Variants in KIAA0825 observed in about 807,000 individuals in gnomAD.
KIAA0825 encodes the protein uncharacterized protein KIAA0825.
KIAA0825 carries 119 observed loss-of-function variants against 147.6 expected under a neutral mutation model. The observed-to-expected ratio is 0.81, with a 90% CI of 0.69 to 0.94. KIAA0825 has a LOEUF of 0.94. Among genes scored for constraint, KIAA0825 ranks in the 40% least tolerant of loss-of-function variants. KIAA0825 has a pLI of 0.00. For missense variants in KIAA0825, 1,381 were observed against 1,472.7 expected (o/e 0.94, Z 1.02); for synonymous variants, 470 against 518.1 (o/e 0.91, Z 1.26).
At chr5:94,320,610 A>G (rs1363812981) in intron 20 of KIAA0825, among the ~76,000 whole-genome samples, 1 of 151,880 alleles carries the variant, frequency 6.6e-6, no homozygotes, top group East Asian at 1.9e-4. Context: ...TGCTCTCCAT[A>G]GAATGTAAAC....
chr5:94,208,347 A>G (rs2150038691), intron 20 of KIAA0825, among the ~76,000 whole-genome samples: 1 of 152,344 alleles, frequency 6.6e-6, no homozygotes, highest in East Asian at 1.9e-4. Context: ...GACTGACTTA[A>G]AAGCATAAAG....
intron 20 of KIAA0825, among the ~76,000 whole-genome samples, chr5:94,295,287 T>C (rs1045820154): frequency 1.3e-5 from 2 of 152,048 alleles, no homozygotes; most frequent in African/African-American, 4.8e-5. Flanking sequence ...TTTATGTTCT[T>C]CTCTAAACTG....
At chr5:94,298,731 A>C (rs1778252652) in intron 20 of KIAA0825, among the ~76,000 whole-genome samples, 1 of 152,200 alleles carries the variant, frequency 6.6e-6, no homozygotes, top group South Asian at 2.1e-4. Flanking sequence ...GCCAAAAATC[A>C]GATTCCTTCG....
At chr5:94,593,290 A>C (rs1784670186) in intron 1 of KIAA0825, 1 of 779,354 alleles carries the variant, frequency 1.3e-6, no homozygotes, top group South Asian at 1.3e-5. Flanking sequence ...ATTAATGGGA[A>C]AAATAGCTGA....
chr5:94,237,071 GTC>G (rs1491189431), intron 20 of KIAA0825, among the ~76,000 whole-genome samples: 1 of 145,170 alleles, frequency 6.9e-6, no homozygotes, highest in African/African-American at 2.6e-5. Flanking sequence ...GTGTGTGTGT[GTC>G]TGTGTCTGTG....
At chr5:94,443,663 C>A (rs1220653412) in intron 13 of KIAA0825, among the ~76,000 whole-genome samples, 1 of 152,124 alleles carries the variant, frequency 6.6e-6, no homozygotes, top group Admixed American at 6.6e-5. Context: ...TAGCTACATT[C>A]AGATATGTTT....
chr5:94,412,470 G>A (rs1452283653), intron 15 of KIAA0825, among the ~76,000 whole-genome samples: 2 of 151,946 alleles, frequency 1.3e-5, no homozygotes, highest in Non-Finnish European at 2.9e-5. Flanking sequence ...GTGTGATCTC[G>A]ACTCACTGCA....
At chr5:94,424,231 T>C (rs913113829) in intron 14 of KIAA0825, among the ~76,000 whole-genome samples, 2 of 152,068 alleles carry the variant, frequency 1.3e-5, no homozygotes, top group Non-Finnish European at 2.9e-5. Flanking sequence ...ATATTAAATA[T>C]ACACATTCTT....
intron 20 of KIAA0825, among the ~76,000 whole-genome samples, chr5:94,246,865 G>C (rs933865848): frequency 1.3e-5 from 2 of 152,140 alleles, no homozygotes; most frequent in African/African-American, 4.8e-5. Context: ...CACAGTGTCA[G>C]CCTGCCTCAT....
chr5:94,351,556 C>A (rs1783675802), intron 20 of KIAA0825, among the ~76,000 whole-genome samples: 1 of 152,072 alleles, frequency 6.6e-6, no homozygotes, highest in Admixed American at 6.6e-5. Flanking sequence ...ATCAAAATAC[C>A]ACCATCATTC....
chr5:94,354,410 G>C (rs182271204), intron 20 of KIAA0825, among the ~76,000 whole-genome samples: 1 of 152,062 alleles, frequency 6.6e-6, no homozygotes, highest in African/African-American at 2.4e-5. Flanking sequence ...TAATTTAATA[G>C]TATTTTGGCA....
Position 94,431,086 on chromosome 5 carries a change from G to A in KIAA0825, c.2497+8896C>T, listed in dbSNP as rs573656263. 9.2e-5 allele frequency among the ~76,000 whole-genome samples: 14 copies of A among 152,256 alleles called. No homozygotes were observed. In the East Asian group the frequency reaches 2.7e-3, roughly 29 times the overall value. On this transcript the variant is annotated intron_variant, in intron 14 of 20. Transcript: ENST00000682413. ...GCACAGGCAGAGACCATTGCATAGAGAGCACAGGAGTAATCAGAGGATAAA... is the reference window on the plus strand; with the variant it reads ...GCACAGGCAGAGACCATTGCATAGAAAGCACAGGAGTAATCAGAGGATAAA...
chr5:94,432,251 T>G (rs1274206652), intron 14 of KIAA0825, among the ~76,000 whole-genome samples: 1 of 152,184 alleles, frequency 6.6e-6, no homozygotes, highest in South Asian at 2.1e-4. Flanking sequence ...ACCTGGGAGT[T>G]TGTTAGAGAA....
chr5:94,614,885 C>T (rs184003388), intron 1 of KIAA0825, among the ~76,000 whole-genome samples: 107 of 152,100 alleles, frequency 7.0e-4, no homozygotes, highest in Non-Finnish European at 2.1e-4. Context: ...ATCTTTTATC[C>T]TTGCAAGACT....
intron 20 of KIAA0825, among the ~76,000 whole-genome samples, chr5:94,295,787 C>T (rs997223839): frequency 6.6e-6 from 1 of 152,194 alleles, no homozygotes; most frequent in African/African-American, 2.4e-5. Flanking sequence ...CCTGTTCCTT[C>T]CTCTGGAAAC....
chr5:94,592,809 T>C (rs1784584000), intron 1 of KIAA0825: 1 of 452,374 alleles, frequency 2.2e-6, no homozygotes, highest in Non-Finnish European at 4.2e-6. Context: ...TGGTTACAAA[T>C]ATGCTTCGGC....
chr5:94,559,791 A>C (rs544196191), intron 2 of KIAA0825, among the ~76,000 whole-genome samples: 7 of 152,320 alleles, frequency 4.6e-5, no homozygotes, highest in Non-Finnish European at 1.0e-4. Context: ...ACAATTCCAC[A>C]TCACTGATTC....
At chr5:94,493,734 C>T (rs561220152) in intron 5 of KIAA0825, among the ~76,000 whole-genome samples, 19 of 152,180 alleles carry the variant, frequency 1.2e-4, no homozygotes, top group East Asian at 1.2e-3. Context: ...GGGATCTGCC[C>T]GCCTCGGCCT....
chr5:94,524,067 C>T lies in KIAA0825; in HGVS notation c.163G>A (p.Glu55Lys), dbSNP rs147120237. The T allele has an allele frequency of 6.2e-6, 10 of 1,608,048 alleles. No individual in the cohort carries two copies. The highest frequency in any genetic ancestry group is 1.6e-4 in the Middle Eastern group (1 of 6,068). The change falls in exon 4 of 21, where the codon GAA becomes AAA. Residue 55 changes from glutamate to lysine, a missense_variant. Glu to Lys is a moderately conservative substitution (Grantham distance 56, BLOSUM62 1). Coordinates refer to ENST00000682413, the MANE Select transcript of KIAA0825 (RefSeq NM_001145678.3). ...IKHCIKEIQS[E>K]INKQCPGVQL... ...ACACCTGGACATTGTTTGTTAATTT[C>T]GGACTGTATCTCTTTAATGCAATGT...
Sources: allele counts gnomAD v4.1 joint callset (sites outside exome capture counted in the v4.1 genomes callset), GRCh38; gene constraint gnomAD v4.1.1; transcripts MANE v1.5; gene names NCBI Gene and HGNC (gene_info 2026-07-23, HGNC 2026-07-21).